Variants in CNBD1 observed in about 807,000 individuals in gnomAD.
CNBD1 encodes cyclic nucleotide binding domain containing 1.
Under a neutral mutation model 54.4 loss-of-function variants are expected in CNBD1, and 71 were observed. The ratio of observed to expected loss-of-function variants is 1.30; its 90% CI spans 1.08 to 1.59. CNBD1 has a LOEUF of 1.59. Ranked by LOEUF, CNBD1 falls within the 40% of genes most tolerant of loss-of-function variation. The pLI is 0.00. For missense variants in CNBD1, 659 were observed against 518.0 expected (o/e 1.27, Z -2.64); for synonymous variants, 182 against 170.7 (o/e 1.07, Z -0.51).
chr8:87,318,394 C>T (rs1304547855), intron 8 of CNBD1, among the ~76,000 whole-genome samples: 4 of 152,048 alleles, frequency 2.6e-5, no homozygotes, highest in Non-Finnish European at 5.9e-5. Context: ...TGCTTTTAAT[C>T]TTTCTCAGGC....
At chr8:87,345,537 C>T (rs188620635) in intron 8 of CNBD1, among the ~76,000 whole-genome samples, 1,727 of 152,230 alleles carry the variant, frequency 0.011, 9 homozygotes, top group Non-Finnish European at 0.017. Context: ...TTAAAACCTT[C>T]CCTCTGACTA....
chr8:87,161,140 T>C (rs1317056284), intron 4 of CNBD1, among the ~76,000 whole-genome samples: 1 of 152,168 alleles, frequency 6.6e-6, no homozygotes, highest in Non-Finnish European at 1.5e-5. Flanking sequence ...GCTTCCATTA[T>C]GTTGCTCTGT....
At chr8:87,229,499 C>G (rs1038338285) in intron 5 of CNBD1, among the ~76,000 whole-genome samples, 1 of 152,018 alleles carries the variant, frequency 6.6e-6, no homozygotes, top group Non-Finnish European at 1.5e-5. Context: ...TTCTTTGACA[C>G]CTTAATTAGA....
chr8:87,366,451 C>T (rs186075172), intron 10 of CNBD1, among the ~76,000 whole-genome samples: 1 of 152,012 alleles, frequency 6.6e-6, no homozygotes, highest in Non-Finnish European at 1.5e-5. Context: ...TCTGCTGACC[C>T]TCTCTCTCGT....
intron 1 of CNBD1, among the ~76,000 whole-genome samples, chr8:86,877,402 C>T (rs765098859): frequency 1.6e-4 from 24 of 152,170 alleles, no homozygotes; most frequent in Admixed American, 9.8e-4. Context: ...GCTTACTAGG[C>T]GAAATTTGAT....
chr8:87,358,896 G>A (rs959203015), intron 10 of CNBD1, among the ~76,000 whole-genome samples: 1 of 152,168 alleles, frequency 6.6e-6, no homozygotes, highest in Admixed American at 6.5e-5. Context: ...AGAAGAGATA[G>A]ACAGAATTCC....
Position 86,960,420 on chromosome 8 carries a change from G to A in CNBD1, c.431+20666G>A, listed in dbSNP as rs184660456. On this transcript the variant is annotated intron_variant, in intron 4 of 10. Coordinates refer to ENST00000518476, the MANE Select transcript of CNBD1 (RefSeq NM_173538.3). Reference sequence around the variant, plus strand: ...CAGTCTGAGATCGAACTGCAAGGTGGCAGTGAGGCTGGGGGAGGGGCGTCC... The same window carrying A: ...CAGTCTGAGATCGAACTGCAAGGTGACAGTGAGGCTGGGGGAGGGGCGTCC... Among the ~76,000 whole-genome samples, 546 of 152,270 alleles carry A rather than the reference G, an allele frequency of 3.6e-3. 5 individuals are homozygous for A. The highest frequency in any genetic ancestry group is 6.3e-3 in the Non-Finnish European group (428 of 68,008).
At chr8:87,418,584 A>G (rs184737881) in intron 2 of CNBD1, among the ~76,000 whole-genome samples, 104 of 152,084 alleles carry the variant, frequency 6.8e-4, no homozygotes, top group Non-Finnish European at 1.3e-3. Flanking sequence ...ACCTACAAAA[A>G]AGGAAAAAGT....
intron 4 of CNBD1, among the ~76,000 whole-genome samples, chr8:87,202,437 G>A (rs1237670974): frequency 1.3e-5 from 2 of 152,164 alleles, no homozygotes; most frequent in Non-Finnish European, 2.9e-5. Flanking sequence ...GGAGCAGCAA[G>A]TATCAGAATA....
At chr8:87,128,025 G>C (rs1397375555) in intron 4 of CNBD1, among the ~76,000 whole-genome samples, 2 of 151,758 alleles carry the variant, frequency 1.3e-5, no homozygotes, top group Non-Finnish European at 3.0e-5. Flanking sequence ...AAAGAGAAGA[G>C]AAGGAGTGTC....
chr8:87,241,964 C>G (rs1264037997), intron 6 of CNBD1, among the ~76,000 whole-genome samples: 1 of 152,094 alleles, frequency 6.6e-6, no homozygotes, highest in African/African-American at 2.4e-5. Context: ...GAATAGACCC[C>G]TCGTCTTAGC....
rs1810300625 is a variant in CNBD1 at position 87,351,750 on chromosome 8, T to C, written c.1108T>C (p.Tyr370His). 9 of 1,530,080 alleles carry C rather than the reference T, an allele frequency of 5.9e-6. No homozygotes were observed. The highest frequency in any genetic ancestry group is 7.9e-6 in the Non-Finnish European group (9 of 1,143,944). 94.8% of individuals were successfully genotyped at this position (1,530,080 alleles called of 1,614,324 possible). A position where few individuals can be genotyped will look rare whatever the true frequency, so the allele number is the denominator to read the frequency against. The change falls in exon 9 of 11, where the codon TAT becomes CAT. Residue 370 changes from tyrosine (Y) to histidine (H), a missense_variant. Tyr to His is a moderately conservative substitution (Grantham distance 83). Transcript: ENST00000518476. ...GYINSGCCNI[Y>H]RSIIGFVKLR... ...TATTAACTCTGGATGCTGTAACATT[T>C]ATAGAAGTATTATAGGATTTGTGAA...
At chr8:87,135,812 C>T (rs1035437821) in intron 4 of CNBD1, among the ~76,000 whole-genome samples, 2 of 151,442 alleles carry the variant, frequency 1.3e-5, no homozygotes, top group Admixed American at 1.3e-4. Flanking sequence ...TGATCCAGAT[C>T]TGATCCAACC....
At chr8:86,962,428 A>C (rs1807954521) in intron 4 of CNBD1, among the ~76,000 whole-genome samples, 4 of 152,128 alleles carry the variant, frequency 2.6e-5, no homozygotes, top group Admixed American at 2.6e-4. Context: ...TGGCCATTTG[A>C]ATTCTTGGAG....
Position 87,006,907 on chromosome 8 carries a change from T to G in CNBD1, c.431+67153T>G, listed in dbSNP as rs772204835. ...GTAATTGAACATTGTACAATAAAACTTCTTATTGGCCGGGTGCCGCGGCTC... is the reference window on the plus strand; with the variant it reads ...GTAATTGAACATTGTACAATAAAACGTCTTATTGGCCGGGTGCCGCGGCTC... On this transcript the variant is annotated intron_variant, in intron 4 of 10. Transcript: ENST00000518476. Among the ~76,000 whole-genome samples the G allele has an allele frequency of 3.3e-5, 5 of 152,212 alleles. No homozygotes were observed. The East Asian group carries it at 7.7e-4, about 23-fold the overall frequency.
chr8:87,259,618 C>T (rs994212769), intron 6 of CNBD1, among the ~76,000 whole-genome samples: 3 of 152,116 alleles, frequency 2.0e-5, no homozygotes, highest in African/African-American at 7.2e-5. Context: ...ACATTACATA[C>T]ACAACACATA....
chr8:87,260,188 G>C lies in CNBD1; in HGVS notation c.771+23076G>C, dbSNP rs1300526199. On this transcript the variant is annotated intron_variant, in intron 6 of 10. Transcript: ENST00000518476. ...ATTGCAAAGGCTTTTAACTACTCCAGATAATTTTTAGAGCTAATTACGACC... is the reference window on the plus strand; with the variant it reads ...ATTGCAAAGGCTTTTAACTACTCCACATAATTTTTAGAGCTAATTACGACC... 2.6e-5 allele frequency among the ~76,000 whole-genome samples: 4 copies of C among 152,278 alleles called. No homozygotes were observed. The South Asian group carries it at 6.2e-4, about 24-fold the overall frequency.
intron 8 of CNBD1, among the ~76,000 whole-genome samples, chr8:87,310,965 A>C (rs967433607): frequency 2.6e-5 from 4 of 152,160 alleles, no homozygotes; most frequent in African/African-American, 9.6e-5. Context: ...TGGAGAGAAG[A>C]CTGAAGCCTA....
intron 4 of CNBD1, among the ~76,000 whole-genome samples, chr8:87,138,346 C>T (rs977999726): frequency 1.3e-5 from 2 of 152,162 alleles, no homozygotes; most frequent in African/African-American, 4.8e-5. Flanking sequence ...AAGCTCTCTA[C>T]CCAGATGCCT....
Sources: gnomAD v4.1 joint callset for allele counts (sites outside exome capture counted in the v4.1 genomes callset) on GRCh38, gnomAD v4.1.1 for gene constraint, MANE v1.5 for transcripts, NCBI Gene and HGNC (gene_info 2026-07-23, HGNC 2026-07-21) for gene names.